The following IKZF1 variants were observed in gnomAD, a reference collection of about 807,000 sequenced individuals.
The protein encoded by IKZF1 is DNA-binding protein Ikaros.
IKZF1 carries 10 observed loss-of-function variants against 51.7 expected under a neutral mutation model. The observed-to-expected ratio is 0.19, with a 90% CI of 0.12 to 0.33. The LOEUF is 0.33. Among genes scored for constraint, IKZF1 ranks in the 10% least tolerant of loss-of-function variants. IKZF1 has a pLI of 1.00. For synonymous variants in IKZF1, 280 were observed against 282.3 expected, an observed-to-expected ratio of 0.99 and a Z score of 0.08; for missense variants, 484 against 707.5, an observed-to-expected ratio of 0.68 and a Z score of 3.58.
In IKZF1 at chr7:50,327,675, G is replaced by A. The variant is rs1284126054; in HGVS notation, c.78G>A (p.Glu26=). The A allele has an allele frequency of 5.0e-6, 8 of 1,613,538 alleles. No homozygotes were observed. The highest frequency in any genetic ancestry group is 1.1e-5 in the South Asian group (1 of 90,936). The part of the protein sequence containing the change: ...ESPPVSDTPD[E]GDEPMPIPED... The stretch of plus-strand genomic sequence containing the variant: ...CCCCTGTAAGCGATACTCCAGATGA[G>A]GGCGATGAGCCCATGCCGATCCCCG... The change falls in exon 3 of 8, where the codon GAG becomes GAA. Residue 26 remains glutamate, a synonymous_variant. Coordinates refer to ENST00000331340, the MANE Select transcript of IKZF1 (RefSeq NM_006060.6).
At chr7:50,338,955 C>T (rs1798415753) in intron 3 of IKZF1, among the ~76,000 whole-genome samples, 3 of 152,324 alleles carry the variant, frequency 2.0e-5, no homozygotes, top group East Asian at 1.9e-4. Flanking sequence ...AAGCATGCTC[C>T]GGTGAGCAGT....
chr7:50,313,199 A>T (rs1025691634), intron 1 of IKZF1, among the ~76,000 whole-genome samples: 3 of 152,228 alleles, frequency 2.0e-5, no homozygotes, highest in African/African-American at 7.2e-5. Flanking sequence ...CAGTCTGAAG[A>T]TGAAAGGACT....
chr7:50,402,145 A>G lies in IKZF1; in HGVS notation c.*1518A>G. The G allele has an allele frequency of 4.3e-6, 1 of 230,666 alleles. No individual in the cohort carries two copies. The highest frequency in any genetic ancestry group is 6.1e-5 in the East Asian group (1 of 16,370). 14.3% of individuals were successfully genotyped at this position (230,666 alleles called of 1,614,324 possible). A position where few individuals can be genotyped will look rare whatever the true frequency, so the allele number is the denominator to read the frequency against. On this transcript the variant is annotated 3_prime_UTR_variant, in exon 8 of 8. Coordinates refer to ENST00000331340, the MANE Select transcript of IKZF1 (RefSeq NM_006060.6). ...CAAGCAAGGGTCTCCTTCAAGATTA[A>G]TGCTATCAATCATTAAGGTCATTAC...
At chr7:50,381,475 C>T (rs573637628) in intron 4 of IKZF1, among the ~76,000 whole-genome samples, 3 of 152,262 alleles carry the variant, frequency 2.0e-5, no homozygotes, top group East Asian at 3.9e-4. Flanking sequence ...TGAAATGTTC[C>T]CTGATTTAGA....
intron 2 of IKZF1, among the ~76,000 whole-genome samples, chr7:50,322,939 G>A (rs1292450774): frequency 6.6e-6 from 1 of 152,008 alleles, no homozygotes; most frequent in Non-Finnish European, 1.5e-5. Context: ...TATTTGTAGT[G>A]TGTTTTTTTG....
At chr7:50,325,707 C>G (rs756551133) in intron 2 of IKZF1, among the ~76,000 whole-genome samples, 2 of 151,400 alleles carry the variant, frequency 1.3e-5, no homozygotes, top group East Asian at 1.9e-4. Flanking sequence ...CCTGGGAGGC[C>G]GAGCTTGCAG....
chr7:50,332,634 C>T (rs1447746779), intron 3 of IKZF1, among the ~76,000 whole-genome samples: 1 of 152,170 alleles, frequency 6.6e-6, no homozygotes, highest in Non-Finnish European at 1.5e-5. Flanking sequence ...TGCTGTAGGA[C>T]TGAACTGGGA....
chr7:50,306,737 C>T (rs1788904423), intron 1 of IKZF1, among the ~76,000 whole-genome samples: 2 of 152,264 alleles, frequency 1.3e-5, no homozygotes, highest in Admixed American at 6.5e-5. Context: ...CTGCAGGCCA[C>T]TGTCTTCCTT....
intron 7 of IKZF1, among the ~76,000 whole-genome samples, chr7:50,396,954 C>T (rs932511072): frequency 6.6e-6 from 1 of 152,240 alleles, no homozygotes; most frequent in Non-Finnish European, 1.5e-5. Context: ...GCTTCTGTCC[C>T]AGGGAGCCCG....
rs1584885878 is a variant in IKZF1 at position 50,376,420 on chromosome 7, C to T, written c.161-113C>T. The T allele has an allele frequency of 1.3e-6, 2 of 1,509,234 alleles. No homozygotes were observed. The highest frequency in any genetic ancestry group is 2.3e-5 in the East Asian group (1 of 44,252). The allele number at this position is 1,509,234 out of a possible 1,614,324, so 93.5% of individuals were successfully genotyped here. A position where few individuals can be genotyped will look rare whatever the true frequency, so the allele number is the denominator to read the frequency against. Reference sequence around the variant, plus strand: ...CTCTCCCCTTGGTATTTGCTAAGAACTTCTGTTTAGTAGCTCTCCACACCT... The same window carrying T: ...CTCTCCCCTTGGTATTTGCTAAGAATTTCTGTTTAGTAGCTCTCCACACCT... On this transcript the variant is annotated intron_variant, in intron 3 of 7. Coordinates refer to ENST00000331340, the MANE Select transcript of IKZF1 (RefSeq NM_006060.6). This position sits in a 1 kb window ranked among gnomAD's most constrained non-coding sequence, Gnocchi z 4.5.
At chr7:50,360,372 G>C (rs994688754) in intron 3 of IKZF1, among the ~76,000 whole-genome samples, 1 of 152,022 alleles carries the variant, frequency 6.6e-6, no homozygotes, top group Non-Finnish European at 1.5e-5. Flanking sequence ...GTGGACAAAG[G>C]CCACAGAAAT....
chr7:50,396,134 T>C (rs566880077), intron 7 of IKZF1, among the ~76,000 whole-genome samples: 1 of 152,316 alleles, frequency 6.6e-6, no homozygotes, highest in South Asian at 2.1e-4. Context: ...AATTCTCTTT[T>C]ATATAAATAT....
chr7:50,324,966 A>G lies in IKZF1; in HGVS notation c.41-2672A>G, dbSNP rs114252106. Among the ~76,000 whole-genome samples, 861 of 152,226 alleles carry G rather than the reference A, an allele frequency of 5.7e-3. 12 individuals carry two copies. Among genetic ancestry groups the G allele is most frequent in the African/African-American group, 0.02 (818 of 41,518 alleles). On this transcript the variant is annotated intron_variant, in intron 2 of 7. Transcript: ENST00000331340. ...AAGCTATAGGAGGAAAAGAGTCAAT[A>G]AAGTTTAGTTTCTCAACCTCCCACC...
At chr7:50,366,700 G>A (rs1280010197) in intron 3 of IKZF1, among the ~76,000 whole-genome samples, 1 of 152,164 alleles carries the variant, frequency 6.6e-6, no homozygotes, top group Non-Finnish European at 1.5e-5. Context: ...ATTTGCAAAA[G>A]GTAATACATA....
At chr7:50,347,512 G>A (rs1016229577) in intron 3 of IKZF1, among the ~76,000 whole-genome samples, 25 of 152,106 alleles carry the variant, frequency 1.6e-4, no homozygotes, top group South Asian at 2.1e-4. Flanking sequence ...CCTAAAGTGG[G>A]CAAAAATCCC....
Position 50,400,193 on chromosome 7 carries a change from C to T in IKZF1, c.1126C>T (p.Leu376Phe), listed in dbSNP as rs571312129. Residue 376 changes from leucine (L) to phenylalanine (F), a missense_variant, in exon 8 of 8, where the codon CTC (leucine) becomes TTC (phenylalanine). Coordinates refer to ENST00000331340, the MANE Select transcript of IKZF1 (RefSeq NM_006060.6). This position sits in a 1 kb window ranked among gnomAD's most constrained non-coding sequence, Gnocchi z 5.4. ...CAGCGCCGTGGAGAACCTGCTGCTG[C>T]TCTCCAAGGCCAAGTTGGTGCCCTC... ...QDSAVENLLL[L>F]SKAKLVPSER... 1 of 1,576,072 alleles carries T rather than the reference C, an allele frequency of 6.3e-7. No individual in the cohort carries two copies. The highest frequency in any genetic ancestry group is 8.6e-7 in the Non-Finnish European group (1 of 1,162,276).
At chr7:50,380,310 A>G (rs1811497481) in intron 4 of IKZF1, among the ~76,000 whole-genome samples, 1 of 152,228 alleles carries the variant, frequency 6.6e-6, no homozygotes, top group Non-Finnish European at 1.5e-5. Flanking sequence ...GACATCAGAC[A>G]CTGCAGGATC....
At chr7:50,327,518 GA>G in intron 2 of IKZF1, 119 bp from the exon 3 acceptor site, 1 of 1,193,176 alleles carries the variant, frequency 8.4e-7, no homozygotes, top group Non-Finnish European at 1.1e-6. Flanking sequence ...TCCCAGCAGA[GA>G]AGCACTGGCT....
chr7:50,396,836 C>A (rs1371887298), intron 7 of IKZF1, among the ~76,000 whole-genome samples: 1 of 152,192 alleles, frequency 6.6e-6, no homozygotes, highest in Admixed American at 6.5e-5. Context: ...TAGTTAAATA[C>A]CCTAAGCCAT....
Sources: allele counts gnomAD v4.1 joint callset (sites outside exome capture counted in the v4.1 genomes callset), GRCh38; gene constraint gnomAD v4.1.1; non-coding constraint Gnocchi (gnomAD v3.1); transcripts MANE v1.5; gene names NCBI Gene and HGNC (gene_info 2026-07-23, HGNC 2026-07-21).